GALNT13: variants seen among roughly 807,000 people sequenced by gnomAD.
The protein encoded by GALNT13 is UDP-GalNAc:polypeptide N-acetylgalactosaminyltransferase 13.
Under a neutral mutation model 64.2 loss-of-function variants are expected in GALNT13, and 28 were observed. The ratio of observed to expected loss-of-function variants is 0.44; its 90% CI spans 0.32 to 0.60. The LOEUF is 0.60. GALNT13 is among the 20% of genes least tolerant of loss of function. The pLI is 0.05. For synonymous variants in GALNT13, 214 were observed against 224.6 expected (o/e 0.95, Z 0.42); for missense variants, 577 against 669.8 (o/e 0.86, Z 1.53).
At chr2:153,632,325 G>A in the GALNT13 span, among the ~76,000 whole-genome samples, 2 of 152,124 alleles carry the variant, frequency 1.3e-5, no homozygotes, top group African/African-American at 4.8e-5. Flanking sequence ...TCACATTACT[G>A]TGGTAGATTT....
chr2:153,830,915 T>G, the GALNT13 span, among the ~76,000 whole-genome samples: 1 of 152,202 alleles, frequency 6.6e-6, no homozygotes, highest in Non-Finnish European at 1.5e-5. Flanking sequence ...TTTAAATATT[T>G]TATTGTCTTC....
intron 8 of GALNT13, chr2:154,287,251 C>T (rs947254339): frequency 2.9e-5 from 27 of 915,960 alleles, no homozygotes; most frequent in Admixed American, 5.2e-5. Flanking sequence ...TCATCTTTGC[C>T]GACGGCAACT....
chr2:154,270,106 A>G (rs1691273618), intron 8 of GALNT13, among the ~76,000 whole-genome samples: 1 of 151,374 alleles, frequency 6.6e-6, no homozygotes, highest in African/African-American at 2.4e-5. Context: ...TTAGACATTA[A>G]TCAAGCTTTA....
chr2:153,305,798 G>A, the GALNT13 span, among the ~76,000 whole-genome samples: 1 of 151,974 alleles, frequency 6.6e-6, no homozygotes, highest in African/African-American at 2.4e-5. Context: ...CCCCATGACA[G>A]GTTTTATTTT....
At chr2:153,726,625 C>A in the GALNT13 span, among the ~76,000 whole-genome samples, 1 of 152,100 alleles carries the variant, frequency 6.6e-6, no homozygotes. Context: ...TCATTTGGCT[C>A]ATGTACCATT....
the GALNT13 span, among the ~76,000 whole-genome samples, chr2:153,097,949 A>G: frequency 2.0e-5 from 3 of 152,066 alleles, no homozygotes; most frequent in Non-Finnish European, 4.4e-5. Flanking sequence ...ACCTGTAGTC[A>G]CAGCTACTTG....
At chr2:153,072,588 C>T in the GALNT13 span, among the ~76,000 whole-genome samples, 1 of 152,096 alleles carries the variant, frequency 6.6e-6, no homozygotes, top group Admixed American at 6.6e-5. Flanking sequence ...ATATTTAGTC[C>T]TTTTCACTTT....
the GALNT13 span, among the ~76,000 whole-genome samples, chr2:153,367,922 A>G: frequency 7.6e-4 from 115 of 152,282 alleles, no homozygotes; most frequent in Non-Finnish European, 1.0e-4. Flanking sequence ...TGGAATAAAT[A>G]TAAAACAAAA....
At chr2:153,674,251 C>A in the GALNT13 span, among the ~76,000 whole-genome samples, 2 of 152,090 alleles carry the variant, frequency 1.3e-5, no homozygotes, top group Non-Finnish European at 2.9e-5. Flanking sequence ...CAAGACAATC[C>A]TAAGCAAAAA....
intron 3 of GALNT13, among the ~76,000 whole-genome samples, chr2:154,120,185 C>T (rs1212088728): frequency 1.3e-5 from 2 of 152,144 alleles, no homozygotes; most frequent in Non-Finnish European, 2.9e-5. Context: ...TGTCGGTTTT[C>T]CAGTTGGCTT....
chr2:154,380,956 T>C (rs983440154), intron 9 of GALNT13, among the ~76,000 whole-genome samples: 7 of 152,070 alleles, frequency 4.6e-5, no homozygotes, highest in Non-Finnish European at 1.0e-4. Context: ...TAAGGCAGCC[T>C]ACAACATGGC....
chr2:153,116,123 A>G, the GALNT13 span, among the ~76,000 whole-genome samples: 1 of 152,208 alleles, frequency 6.6e-6, no homozygotes, highest in Non-Finnish European at 1.5e-5. Flanking sequence ...TAAATTAGTA[A>G]TAAGCCAATC....
the GALNT13 span, among the ~76,000 whole-genome samples, chr2:153,568,221 TTTTA>T: frequency 2.0e-5 from 3 of 152,122 alleles, no homozygotes; most frequent in East Asian, 3.8e-4. Flanking sequence ...AGCTGCTATT[TTTTA>T]TTTGTTTGTT....
chr2:154,297,882 A>C (rs115407523), intron 8 of GALNT13, among the ~76,000 whole-genome samples: 2,940 of 152,174 alleles, frequency 0.019, 72 homozygotes, highest in African/African-American at 0.059. Flanking sequence ...AATTGGAAAA[A>C]AAAAATAGAA....
the GALNT13 span, among the ~76,000 whole-genome samples, chr2:153,642,729 C>T: frequency 1.3e-5 from 2 of 151,748 alleles, no homozygotes; most frequent in Non-Finnish European, 3.0e-5. Flanking sequence ...AACAAGCTTT[C>T]CTTAATTGAC....
At chr2:154,343,333 A>G (rs899255833) in intron 9 of GALNT13, among the ~76,000 whole-genome samples, 1 of 152,070 alleles carries the variant, frequency 6.6e-6, no homozygotes, top group Non-Finnish European at 1.5e-5. Context: ...TAGTAAATAT[A>G]TATATTTGCT....
At chr2:154,305,243 G>T (rs1693664885) in intron 9 of GALNT13, among the ~76,000 whole-genome samples, 1 of 151,900 alleles carries the variant, frequency 6.6e-6, no homozygotes, top group Non-Finnish European at 1.5e-5. Flanking sequence ...TGGAATTTTT[G>T]ATTTTCTGTT....
Position 154,104,204 on chromosome 2 carries a change from T to TG in GALNT13, c.143-36127dup, listed in dbSNP as rs1277255439. 2.0e-4 allele frequency among the ~76,000 whole-genome samples: 7 copies of TG among 34,382 alleles called. No homozygotes were observed. The East Asian group carries it at 4.6e-3, about 23-fold the overall frequency. The allele number at this position is 34,382 out of a possible 152,430, so 22.6% of individuals were successfully genotyped here. A position where few individuals can be genotyped will look rare whatever the true frequency, so the allele number is the denominator to read the frequency against. ...ATGATGCAACTGAGTTCCATGGGGG[T>TG]GGGGGGATGGTGGGGAGGGGTGTGG... On this transcript the variant is annotated intron_variant, in intron 3 of 12. Transcript: ENST00000392825.
the GALNT13 span, among the ~76,000 whole-genome samples, chr2:153,366,804 CGAAAG>C: frequency 8.0e-5 from 11 of 137,816 alleles, no homozygotes; most frequent in African/African-American, 2.7e-4. Flanking sequence ...CTGCTGAAAA[CGAAAG>C]AAAGAAAATC....
Sources: allele counts gnomAD v4.1 joint callset (sites outside exome capture counted in the v4.1 genomes callset), GRCh38; gene constraint gnomAD v4.1.1; transcripts MANE v1.5; gene names NCBI Gene and HGNC (gene_info 2026-07-23, HGNC 2026-07-21).